Variants in CPEB3 observed in about 807,000 individuals in gnomAD.
The protein encoded by CPEB3 is cytoplasmic polyadenylation element-binding protein 3.
In CPEB3, 20 loss-of-function variants were observed where a neutral mutation model predicts 67.2. The observed-to-expected ratio is 0.30, with a 90% CI of 0.21 to 0.43. The LOEUF is 0.43. Among genes scored for constraint, CPEB3 ranks in the 20% least tolerant of loss-of-function variants. The pLI is 1.00. For synonymous variants in CPEB3, 376 were observed against 393.1 expected (o/e 0.96, Z 0.51); for missense variants, 746 against 968.6 (o/e 0.77, Z 3.05).
At chr10:92,146,733 CAG>C (rs1177609503) in intron 4 of CPEB3, among the ~76,000 whole-genome samples, 1 of 152,110 alleles carries the variant, frequency 6.6e-6, no homozygotes, top group Non-Finnish European at 1.5e-5. Flanking sequence ...TATAAAGAAA[CAG>C]AACAAAATCT....
At chr10:92,287,533 A>G (rs1716220790) in intron 1 of CPEB3, among the ~76,000 whole-genome samples, 1 of 152,182 alleles carries the variant, frequency 6.6e-6, no homozygotes, top group South Asian at 2.1e-4. Context: ...AGTTTTATCA[A>G]TCACTATTTT....
At chr10:92,170,951 C>A (rs1847972343) in intron 4 of CPEB3, among the ~76,000 whole-genome samples, 1 of 152,146 alleles carries the variant, frequency 6.6e-6, no homozygotes, top group Admixed American at 6.6e-5. Context: ...TTCAGGACAG[C>A]CAATACTTGC....
intron 2 of CPEB3, among the ~76,000 whole-genome samples, chr10:92,225,836 C>G (rs1055068091): frequency 1.3e-5 from 2 of 152,170 alleles, no homozygotes; most frequent in Admixed American, 1.3e-4. Context: ...CAGTGGCTCA[C>G]GCCTGTAATC....
intron 1 of CPEB3, among the ~76,000 whole-genome samples, chr10:92,269,724 C>A (rs149990052): frequency 2.1e-4 from 32 of 152,034 alleles, no homozygotes; most frequent in African/African-American, 7.7e-4. Flanking sequence ...TGCCCGGGTA[C>A]TTTTTGTATT....
chr10:92,057,172 C>G (rs1842143117), intron 9 of CPEB3, among the ~76,000 whole-genome samples: 1 of 152,176 alleles, frequency 6.6e-6, no homozygotes, highest in African/African-American at 2.4e-5. Context: ...GGGTCCCCAA[C>G]TCTAGGACTT....
In CPEB3 at chr10:92,260,381, T is replaced by A. The variant is rs1270579523; in HGVS notation, c.-11-20020A>T. Among the ~76,000 whole-genome samples the A allele has an allele frequency of 2.6e-5, 4 of 151,876 alleles. No individual in the cohort carries two copies. In the East Asian group the frequency reaches 5.9e-4, roughly 22 times the overall value. ...GCCTGACCAATATGATGAAACCCCA[T>A]CTCTACTAAAAATACAAAAATTAGC... On this transcript the variant is annotated intron_variant, in intron 1 of 9. Coordinates refer to ENST00000265997, the MANE Select transcript of CPEB3 (RefSeq NM_014912.5).
chr10:92,121,547 GA>G (rs976551963), intron 6 of CPEB3, among the ~76,000 whole-genome samples: 14 of 149,338 alleles, frequency 9.4e-5, no homozygotes, highest in South Asian at 2.1e-4. Flanking sequence ...AAAATTTGTG[GA>G]AAAAAAACTA....
At chr10:92,165,773 A>C (rs188578817) in intron 4 of CPEB3, among the ~76,000 whole-genome samples, 2 of 152,206 alleles carry the variant, frequency 1.3e-5, no homozygotes, top group Non-Finnish European at 2.9e-5. Flanking sequence ...TTGCTTGTAC[A>C]TAAGAAGCAA....
intron 2 of CPEB3, among the ~76,000 whole-genome samples, chr10:92,236,713 C>T (rs1014682631): frequency 5.3e-5 from 8 of 152,104 alleles, no homozygotes; most frequent in African/African-American, 1.2e-4. Context: ...CATGCCACTG[C>T]ACTCCACCCT....
chr10:92,274,957 C>T (rs777414535), intron 1 of CPEB3, among the ~76,000 whole-genome samples: 3 of 152,074 alleles, frequency 2.0e-5, no homozygotes, highest in Admixed American at 6.6e-5. Flanking sequence ...GTGTTCCCTC[C>T]TCAGATTTTG....
At chr10:92,158,328 G>T (rs958387163) in intron 4 of CPEB3, among the ~76,000 whole-genome samples, 1 of 152,146 alleles carries the variant, frequency 6.6e-6, no homozygotes, top group Admixed American at 6.6e-5. Context: ...TGTTTCAGAA[G>T]TCTTATGAGG....
At chr10:92,111,811 A>T (rs892751876) in intron 6 of CPEB3, among the ~76,000 whole-genome samples, 1 of 152,208 alleles carries the variant, frequency 6.6e-6, no homozygotes, top group Non-Finnish European at 1.5e-5. Context: ...GTTGTATGGT[A>T]TGTGAATGAT....
intron 6 of CPEB3, among the ~76,000 whole-genome samples, chr10:92,134,171 A>G (rs906969909): frequency 2.0e-5 from 3 of 152,212 alleles, no homozygotes; most frequent in Admixed American, 2.0e-4. Flanking sequence ...GGCCAGGGCA[A>G]TCAGGCAAGA....
chr10:92,144,937 C>G lies in CPEB3; in HGVS notation c.1363+8G>C, dbSNP rs1472717116. 2 of 1,612,926 alleles carry G rather than the reference C, an allele frequency of 1.2e-6. No homozygotes were observed. The highest frequency in any genetic ancestry group is 2.2e-5 in the East Asian group (1 of 44,866). ...GCCTTTGCAAAATCATTAATGAATGCATAGTACCTTCATCAATATCAGGAG... is the reference window on the plus strand; with the variant it reads ...GCCTTTGCAAAATCATTAATGAATGGATAGTACCTTCATCAATATCAGGAG... On this transcript the variant is annotated splice_region_variant and intron_variant, in intron 5 of 9. Transcript: ENST00000265997.
intron 7 of CPEB3, among the ~76,000 whole-genome samples, chr10:92,099,333 G>A (rs1844057269): frequency 6.8e-6 from 1 of 147,590 alleles, no homozygotes; most frequent in South Asian, 2.2e-4. Flanking sequence ...TGTATTTTTT[G>A]TAGAGACAGG....
chr10:92,128,554 AAC>A (rs1845703161), intron 6 of CPEB3, among the ~76,000 whole-genome samples: 1 of 152,250 alleles, frequency 6.6e-6, no homozygotes, highest in Non-Finnish European at 1.5e-5. Flanking sequence ...CAAAAGAGTG[AAC>A]AGACAACCTA....
chr10:92,112,016 A>T (rs890870312), intron 6 of CPEB3, among the ~76,000 whole-genome samples: 5 of 152,294 alleles, frequency 3.3e-5, no homozygotes, highest in South Asian at 2.1e-4. Context: ...GGATTTCCAT[A>T]GACACAGCCA....
chr10:92,275,565 T>A (rs1428531877), intron 1 of CPEB3, among the ~76,000 whole-genome samples: 2 of 152,174 alleles, frequency 1.3e-5, no homozygotes, highest in African/African-American at 2.4e-5. Context: ...TCACTTAAAG[T>A]GTACAATTCA....
intron 2 of CPEB3, among the ~76,000 whole-genome samples, chr10:92,196,945 G>A (rs574027937): frequency 6.7e-6 from 1 of 150,136 alleles, no homozygotes. Context: ...AAAAAAAAAA[G>A]GGTAGGGGAT....
Sources: gnomAD v4.1 joint callset for allele counts (sites outside exome capture counted in the v4.1 genomes callset) on GRCh38, gnomAD v4.1.1 for gene constraint, MANE v1.5 for transcripts, NCBI Gene and HGNC (gene_info 2026-07-23, HGNC 2026-07-21) for gene names.